NFIB: variants seen among roughly 807,000 people sequenced by gnomAD.
NFIB encodes the protein nuclear factor I B, also known as nuclear factor 1 B-type.
Under a neutral mutation model 61.5 loss-of-function variants are expected in NFIB, and 11 were observed. That is an observed-to-expected ratio of 0.18 (90% CI 0.11 to 0.30). NFIB has a LOEUF of 0.30. Ranked by LOEUF, NFIB falls within the 10% of genes least tolerant of loss-of-function variation. The pLI is 1.00. For missense variants in NFIB, 471 were observed against 608.9 expected, an observed-to-expected ratio of 0.77 and a Z score of 2.38; for synonymous variants, 260 against 216.5, an observed-to-expected ratio of 1.20 and a Z score of -1.76.
At chr9:14,459,154 G>T in the NFIB span, among the ~76,000 whole-genome samples, 2 of 152,086 alleles carry the variant, frequency 1.3e-5, no homozygotes, top group East Asian at 3.9e-4. Context: ...GCATGGTACT[G>T]GTACCAAAAC....
At chr9:14,201,585 G>T (rs1234276929) in intron 2 of NFIB, among the ~76,000 whole-genome samples, 1 of 152,142 alleles carries the variant, frequency 6.6e-6, no homozygotes, top group Non-Finnish European at 1.5e-5. Flanking sequence ...GGGCCCACAT[G>T]GTCTTGCTCA....
At chr9:14,355,211 A>C (rs1365961633) in intron 1 of NFIB, among the ~76,000 whole-genome samples, 1 of 152,158 alleles carries the variant, frequency 6.6e-6, no homozygotes, top group African/African-American at 2.4e-5. Context: ...GGGGTACTTA[A>C]GTTATTATGA....
the NFIB span, among the ~76,000 whole-genome samples, chr9:14,452,667 T>C: frequency 2.0e-5 from 3 of 152,182 alleles, no homozygotes; most frequent in African/African-American, 4.8e-5. Context: ...TATTCCCTAG[T>C]AGACATGTCT....
rs2032621635 is a variant in NFIB, at chr9:14,084,989, T to A, written c.*3320A>T. 1 of 229,454 alleles carries A rather than the reference T, an allele frequency of 4.4e-6. No individual in the cohort carries two copies. The highest frequency in any genetic ancestry group is 2.2e-5 in the African/African-American group (1 of 45,120). 14.2% of individuals were successfully genotyped at this position (229,454 alleles called of 1,614,324 possible). ...GGCAAAAAAGAGAGCGAGTCTGCCT[T>A]TAAAAAATACTGTGTGTCCTGTGAG... On this transcript the variant is annotated 3_prime_UTR_variant, in exon 11 of 11. Transcript: ENST00000380953.
At chr9:14,492,739 A>G in the NFIB span, among the ~76,000 whole-genome samples, 1 of 152,158 alleles carries the variant, frequency 6.6e-6, no homozygotes, top group Non-Finnish European at 1.5e-5. Flanking sequence ...ATTGGGGATT[A>G]CAACTGAACA....
At chr9:14,256,582 A>T (rs908709606) in intron 2 of NFIB, among the ~76,000 whole-genome samples, 9 of 152,212 alleles carry the variant, frequency 5.9e-5, no homozygotes, top group African/African-American at 2.2e-4. Flanking sequence ...CCAATCCACT[A>T]ACTTCCAAAA....
chr9:14,117,492 C>CA lies in NFIB; in HGVS notation c.1246-1147dup, dbSNP rs1177164851. Among the ~76,000 whole-genome samples, 890 of 140,814 alleles carry CA rather than the reference C, an allele frequency of 6.3e-3. 9 individuals are homozygous for CA. Among genetic ancestry groups the CA allele is most frequent in the African/African-American group, 0.019 (744 of 38,340 alleles). The allele number at this position is 140,814 out of a possible 152,430, so 92.4% of individuals were successfully genotyped here. A position where few individuals can be genotyped will look rare whatever the true frequency, so the allele number is the denominator to read the frequency against. On this transcript the variant is annotated intron_variant, in intron 8 of 10. Coordinates refer to ENST00000380953, the MANE Select transcript of NFIB (RefSeq NM_001190737.2). ...TCTTTATAATCTGAACTGTTAAAGG[C>CA]AAAAAAAAAATGAAGCAGAATATTT...
the NFIB span, among the ~76,000 whole-genome samples, chr9:14,482,797 T>C: frequency 6.6e-6 from 1 of 152,250 alleles, no homozygotes; most frequent in East Asian, 1.9e-4. Flanking sequence ...CAAACCTCTC[T>C]AATAATGCCT....
At chr9:14,511,048 A>G in the NFIB span, among the ~76,000 whole-genome samples, 1 of 152,296 alleles carries the variant, frequency 6.6e-6, no homozygotes, top group African/African-American at 2.4e-5. Flanking sequence ...TGAGGCTAAA[A>G]GATTTGCCAA....
the NFIB span, among the ~76,000 whole-genome samples, chr9:14,449,105 C>T: frequency 3.3e-5 from 5 of 152,210 alleles, no homozygotes; most frequent in African/African-American, 1.2e-4. Flanking sequence ...AATTCCCAGA[C>T]CTTAAAGGGC....
chr9:14,478,873 T>C, the NFIB span, among the ~76,000 whole-genome samples: 3 of 152,234 alleles, frequency 2.0e-5, no homozygotes, highest in African/African-American at 4.8e-5. Flanking sequence ...ATATTTAAAA[T>C]TTTGATAGAC....
the NFIB span, among the ~76,000 whole-genome samples, chr9:14,465,912 C>G: frequency 1.4e-4 from 21 of 152,290 alleles, no homozygotes; most frequent in South Asian, 4.1e-3. Context: ...TGTGTCCAGA[C>G]AGTGCCAAAT....
At chr9:14,270,826 T>C (rs1440247457) in intron 2 of NFIB, among the ~76,000 whole-genome samples, 1 of 152,108 alleles carries the variant, frequency 6.6e-6, no homozygotes, top group Non-Finnish European at 1.5e-5. Context: ...TTTATAGCAA[T>C]AAAGCAGAAC....
chr9:14,297,261 T>C (rs566922644), intron 2 of NFIB, among the ~76,000 whole-genome samples: 15 of 152,324 alleles, frequency 9.8e-5, no homozygotes, highest in South Asian at 6.2e-4. Flanking sequence ...CAACTCCACA[T>C]TGGCGCTGCC....
At chr9:14,233,440 T>C (rs2053414464) in intron 2 of NFIB, among the ~76,000 whole-genome samples, 1 of 148,420 alleles carries the variant, frequency 6.7e-6, no homozygotes. Flanking sequence ...TTTTTTTTTT[T>C]TTTTTAAGAT....
At chr9:14,345,728 C>T (rs1205780976) in intron 1 of NFIB, among the ~76,000 whole-genome samples, 2 of 152,134 alleles carry the variant, frequency 1.3e-5, no homozygotes, top group African/African-American at 4.8e-5. Flanking sequence ...GTGTGTCAAC[C>T]GCTCAGACTT....
chr9:14,304,326 G>C (rs1224179335), intron 2 of NFIB, among the ~76,000 whole-genome samples: 3 of 152,330 alleles, frequency 2.0e-5, no homozygotes, highest in South Asian at 4.1e-4. Flanking sequence ...GTACATGTTG[G>C]TCTTTATTTC....
intron 1 of NFIB, among the ~76,000 whole-genome samples, chr9:14,348,122 T>G (rs2061056081): frequency 2.0e-5 from 3 of 152,176 alleles, no homozygotes. Flanking sequence ...GGAAATGTGG[T>G]GCGCCCTCTG....
intron 2 of NFIB, among the ~76,000 whole-genome samples, chr9:14,247,399 A>G (rs1178983081): frequency 2.6e-5 from 4 of 152,226 alleles, no homozygotes; most frequent in Non-Finnish European, 5.9e-5. Context: ...AGAGGCAGTG[A>G]CCATGCCCAG....
Sources: gnomAD v4.1 joint callset for allele counts (sites outside exome capture counted in the v4.1 genomes callset) on GRCh38, gnomAD v4.1.1 for gene constraint, MANE v1.5 for transcripts, NCBI Gene and HGNC (gene_info 2026-07-23, HGNC 2026-07-21) for gene names.